CASD1: variants seen among roughly 807,000 people sequenced by gnomAD.
The protein encoded by CASD1 is CAS1 domain sialic acid O acetyltransferase 1, also known as N-acetylneuraminate (7)9-O-acetyltransferase.
Under a neutral mutation model 100.0 loss-of-function variants are expected in CASD1, and 41 were observed. The ratio of observed to expected loss-of-function variants is 0.41; its 90% confidence interval spans 0.32 to 0.53. CASD1 has a LOEUF of 0.53. Ranked by LOEUF, CASD1 falls within the 20% of genes least tolerant of loss-of-function variation. The probability of loss-of-function intolerance (pLI) is 0.25; values close to 1 mark genes in which losing one functional copy is unlikely to be tolerated. For synonymous variants in CASD1, 321 were observed against 315.6 expected (o/e 1.02, Z -0.18); for missense variants, 774 against 948.7 (o/e 0.82, Z 2.42).
the CASD1 span, among the ~76,000 whole-genome samples, chr7:94,601,443 C>CAAAAAAAAAAA: frequency 2.0e-3 from 181 of 89,252 alleles, 29 homozygotes; most frequent in African/African-American, 6.0e-3. Context: ...ATCCCAGTAT[C>CAAAAAAAAAAA]AAAAAAAAAA....
At chr7:94,522,032 C>T (rs1016232966) in intron 3 of CASD1, among the ~76,000 whole-genome samples, 8 of 151,948 alleles carry the variant, frequency 5.3e-5, no homozygotes, top group Admixed American at 2.0e-4. Context: ...TGCAGTGAGC[C>T]GAAATTGCGC....
intron 7 of CASD1, 110 bp from the exon 8 acceptor site, chr7:94,535,199 T>A: frequency 2.6e-6 from 2 of 771,946 alleles, no homozygotes; most frequent in Non-Finnish European, 4.2e-6. Context: ...TGGTACCATC[T>A]ATACTTTTAA....
chr7:94,565,189 C>CT, the CASD1 span, among the ~76,000 whole-genome samples: 3 of 152,072 alleles, frequency 2.0e-5, no homozygotes, highest in African/African-American at 7.2e-5. Flanking sequence ...TTATGTGCCA[C>CT]TACCTGGCCT....
downstream of CASD1, among the ~76,000 whole-genome samples, chr7:94,558,173 A>C (rs1796269737): frequency 6.6e-6 from 1 of 152,184 alleles, no homozygotes; most frequent in African/African-American, 2.4e-5. Context: ...AAGCATTAAA[A>C]ATTCAGCCCA....
At chr7:94,596,540 T>C in the CASD1 span, among the ~76,000 whole-genome samples, 1 of 152,146 alleles carries the variant, frequency 6.6e-6, no homozygotes, top group Non-Finnish European at 1.5e-5. Flanking sequence ...CCTTTTCCTA[T>C]GGATTCACAA....
At chr7:94,601,443 CAAAA>C in the CASD1 span, among the ~76,000 whole-genome samples, 2,266 of 87,610 alleles carry the variant, frequency 0.026, 4 homozygotes, top group East Asian at 0.08. Flanking sequence ...ATCCCAGTAT[CAAAA>C]AAAAAAAAAA....
chr7:94,527,759 G>A (rs1039652186), intron 4 of CASD1, among the ~76,000 whole-genome samples: 5 of 152,146 alleles, frequency 3.3e-5, no homozygotes, highest in African/African-American at 1.2e-4. Context: ...AGAGAAAAAG[G>A]AGAACATAGA....
chr7:94,565,109 G>T, the CASD1 span, among the ~76,000 whole-genome samples: 1 of 151,896 alleles, frequency 6.6e-6, no homozygotes, highest in Non-Finnish European at 1.5e-5. Context: ...TATTATCTAT[G>T]TATACTACTC....
chr7:94,594,052 C>G, the CASD1 span, among the ~76,000 whole-genome samples: 1 of 152,018 alleles, frequency 6.6e-6, no homozygotes, highest in Non-Finnish European at 1.5e-5. Context: ...GGGAACAAGG[C>G]TAGACTCTCT....
At chr7:94,541,507 T>C (rs1014223871) in intron 10 of CASD1, among the ~76,000 whole-genome samples, 1 of 149,360 alleles carries the variant, frequency 6.7e-6, no homozygotes, top group Non-Finnish European at 1.5e-5. Context: ...GTAAGTTTGG[T>C]ATATACAGTA....
chr7:94,601,386 A>C, the CASD1 span, among the ~76,000 whole-genome samples: 1 of 145,768 alleles, frequency 6.9e-6, no homozygotes, highest in Non-Finnish European at 1.5e-5. Flanking sequence ...ACTTTTATGG[A>C]AGATAGTCTA....
chr7:94,544,310 T>A (rs1330686006), intron 10 of CASD1, 101 bp from the exon 11 acceptor site: 2 of 1,394,390 alleles, frequency 1.4e-6, no homozygotes, highest in African/African-American at 2.9e-5. Context: ...TGATGCCAAA[T>A]GCTAATAATC....
At chr7:94,574,362 CT>C in the CASD1 span, among the ~76,000 whole-genome samples, 1 of 151,844 alleles carries the variant, frequency 6.6e-6, no homozygotes, top group Non-Finnish European at 1.5e-5. Flanking sequence ...AGGTCCAGGG[CT>C]TTTTTTGGTT....
chr7:94,569,073 C>T, the CASD1 span, among the ~76,000 whole-genome samples: 1 of 152,116 alleles, frequency 6.6e-6, no homozygotes, highest in African/African-American at 2.4e-5. Flanking sequence ...GTTGATAAGA[C>T]ACTGTGTTGA....
intron 1 of CASD1, among the ~76,000 whole-genome samples, chr7:94,514,122 A>G (rs1289918625): frequency 6.6e-6 from 1 of 152,090 alleles, no homozygotes; most frequent in African/African-American, 2.4e-5. Flanking sequence ...TTGAAATCAA[A>G]TTCTTTTTTT....
At chr7:94,554,318 T>C (rs555037413) in intron 16 of CASD1, 165 bp from the exon 17 acceptor site, 1 of 515,424 alleles carries the variant, frequency 1.9e-6, no homozygotes, top group African/African-American at 1.9e-5. Context: ...GGGTAGACTT[T>C]AGAACAAAAA....
chr7:94,586,061 G>GAAAAAA, the CASD1 span, among the ~76,000 whole-genome samples: 45 of 28,906 alleles, frequency 1.6e-3, no homozygotes, highest in Admixed American at 2.1e-3. Flanking sequence ...GGAACTAAAT[G>GAAAAAA]AAAAAAAAAA....
chr7:94,612,659 A>C, the CASD1 span, among the ~76,000 whole-genome samples: 7 of 152,224 alleles, frequency 4.6e-5, no homozygotes, highest in African/African-American at 7.2e-5. Flanking sequence ...GAGGTCTAGA[A>C]GTGGAAACAT....
rs1298114979 is a variant in CASD1 at position 94,537,635 on chromosome 7, A to T, written c.1007A>T (p.Asn336Ile). 1.9e-6 allele frequency: 3 copies of T among 1,613,808 alleles called. No homozygotes were observed. The highest frequency in any genetic ancestry group is 2.5e-6 in the Non-Finnish European group (3 of 1,179,912). The change falls in exon 9 of 18, where the codon AAT becomes ATT. Residue 336 changes from asparagine to isoleucine, a missense_variant. Physicochemically the swap from Asn to Ile is moderately radical, Grantham distance 149 (BLOSUM62 -3). Around this residue, in one of 5 missense-constraint regions of CASD1, gnomAD observed 453 missense variants for 532.6 expected, o/e 0.85. Transcript: ENST00000297273. ...TTAATTTTTTACATAATTCATCGTA[A>T]TGCTCATCGGAAGAATAAGCCGTGT... ...GYLIFYIIHR[N>I]AHRKNKPCTD...
Sources: allele counts gnomAD v4.1 joint callset (sites outside exome capture counted in the v4.1 genomes callset), GRCh38; gene constraint gnomAD v4.1.1; regional missense constraint gnomAD v4.1.1; transcripts MANE v1.5; gene names NCBI Gene and HGNC (gene_info 2026-07-23, HGNC 2026-07-21).